Variants in GPHN observed in about 807,000 individuals in gnomAD.
The protein encoded by GPHN is gephyrin.
GPHN carries 17 observed loss-of-function variants against 95.5 expected under a neutral mutation model. The observed-to-expected ratio is 0.18, with a 90% CI of 0.12 to 0.27. The LOEUF (loss-of-function observed/expected upper bound fraction) is 0.27. Ranked by LOEUF, GPHN falls within the 10% of genes least tolerant of loss-of-function variation. The pLI is 1.00. For missense variants in GPHN, 660 were observed against 978.1 expected (o/e 0.67, Z 4.34); for synonymous variants, 320 against 322.5 (o/e 0.99, Z 0.08).
chr14:67,325,934 G>A, the GPHN span, among the ~76,000 whole-genome samples: 43 of 149,830 alleles, frequency 2.9e-4, no homozygotes, highest in East Asian at 3.5e-3. Flanking sequence ...TCAGCCTCCC[G>A]AGTAGCTGGG....
At chr14:67,480,595 AT>A in the GPHN span, among the ~76,000 whole-genome samples, 1 of 152,028 alleles carries the variant, frequency 6.6e-6, no homozygotes, top group African/African-American at 2.4e-5. Flanking sequence ...CCTGAGACAG[AT>A]GGCACAGCAC....
chr14:66,858,765 G>A (rs1001036464), intron 4 of GPHN, among the ~76,000 whole-genome samples: 6 of 152,214 alleles, frequency 3.9e-5, no homozygotes, highest in African/African-American at 9.6e-5. Flanking sequence ...GGCCACAGGG[G>A]AGTCCACTGC....
the GPHN span, among the ~76,000 whole-genome samples, chr14:67,354,418 A>T: frequency 6.6e-6 from 1 of 152,206 alleles, no homozygotes; most frequent in Non-Finnish European, 1.5e-5. Context: ...CAAAATTTTA[A>T]ATGCAATTAT....
At chr14:67,070,473 G>A (rs1302798184) in intron 11 of GPHN, among the ~76,000 whole-genome samples, 3 of 149,526 alleles carry the variant, frequency 2.0e-5, no homozygotes, top group South Asian at 4.2e-4. Flanking sequence ...CGAGGTGGGC[G>A]GGTCACAAGG....
At chr14:66,560,385 T>A (rs1478620456) in intron 1 of GPHN, among the ~76,000 whole-genome samples, 2 of 152,224 alleles carry the variant, frequency 1.3e-5, no homozygotes, top group Admixed American at 1.3e-4. Flanking sequence ...TGGAATGTTC[T>A]TCCATTTGTT....
intron 10 of GPHN, among the ~76,000 whole-genome samples, chr14:67,036,435 ATC>A (rs2074424682): frequency 6.6e-6 from 1 of 151,248 alleles, no homozygotes; most frequent in Non-Finnish European, 1.5e-5. Context: ...AAGTAAAATT[ATC>A]TCTGTTTCCA....
At chr14:67,727,243 G>A in the GPHN span, 2 of 1,431,564 alleles carry the variant, frequency 1.4e-6, no homozygotes, top group African/African-American at 1.4e-5. Context: ...CAAATTAGAG[G>A]TCCACAGCAA....
chr14:66,956,296 T>C (rs1489033430), intron 8 of GPHN, among the ~76,000 whole-genome samples: 1 of 152,230 alleles, frequency 6.6e-6, no homozygotes, highest in Non-Finnish European at 1.5e-5. Flanking sequence ...TTTTTATTTG[T>C]CTCAAATTAT....
chr14:66,509,822 A>G (rs1566733521), intron 1 of GPHN, among the ~76,000 whole-genome samples: 1 of 152,142 alleles, frequency 6.6e-6, no homozygotes, highest in South Asian at 2.1e-4. Context: ...ACTAAATTGA[A>G]TAAGACTTGC....
chr14:67,056,747 C>G (rs1022573671), intron 10 of GPHN, among the ~76,000 whole-genome samples: 1 of 151,994 alleles, frequency 6.6e-6, no homozygotes, highest in African/African-American at 2.4e-5. Flanking sequence ...CTTGGGCAGT[C>G]CATGGGACTG....
At chr14:67,564,985 C>G in the GPHN span, among the ~76,000 whole-genome samples, 1 of 152,148 alleles carries the variant, frequency 6.6e-6, no homozygotes, top group Non-Finnish European at 1.5e-5. Context: ...GCCACTGTGT[C>G]TGGCCCTGTA....
the GPHN span, among the ~76,000 whole-genome samples, chr14:67,651,875 A>ACTT: frequency 6.6e-6 from 1 of 152,168 alleles, no homozygotes; most frequent in African/African-American, 2.4e-5. Flanking sequence ...TCCCTTGTAA[A>ACTT]CTTCTTCCCT....
chr14:66,891,780 A>G (rs1437432291), intron 5 of GPHN, among the ~76,000 whole-genome samples: 1 of 151,930 alleles, frequency 6.6e-6, no homozygotes, highest in Non-Finnish European at 1.5e-5. Context: ...TAATTCCTAC[A>G]AGTCAATAAA....
chr14:66,606,593 C>T (rs1233408954), intron 1 of GPHN, among the ~76,000 whole-genome samples: 1 of 152,102 alleles, frequency 6.6e-6, no homozygotes, highest in African/African-American at 2.4e-5. Context: ...AATATTGATT[C>T]TTCCAATTCA....
At chr14:67,392,419 GCT>G in the GPHN span, 1 of 1,611,934 alleles carries the variant, frequency 6.2e-7, no homozygotes, top group Admixed American at 1.7e-5. Context: ...TCTTTTTGTA[GCT>G]CTCAGCCTAG....
At chr14:67,688,884 A>G in the GPHN span, among the ~76,000 whole-genome samples, 73 of 152,106 alleles carry the variant, frequency 4.8e-4, 1 homozygote, top group Non-Finnish European at 9.3e-4. Context: ...TTGTTCACCA[A>G]TTCATCCCCT....
chr14:67,210,180 C>A, the GPHN span, among the ~76,000 whole-genome samples: 2 of 152,114 alleles, frequency 1.3e-5, no homozygotes, highest in Admixed American at 1.3e-4. Flanking sequence ...ATATGGAAAA[C>A]CTGTAAGTAA....
chr14:67,222,981 T>C, the GPHN span, among the ~76,000 whole-genome samples: 18 of 151,136 alleles, frequency 1.2e-4, no homozygotes, highest in Admixed American at 2.0e-4. Flanking sequence ...GGATTTGTCT[T>C]TGGGCCTTCC....
At chr14:67,286,699 A>G in the GPHN span, among the ~76,000 whole-genome samples, 1 of 150,210 alleles carries the variant, frequency 6.7e-6, no homozygotes, top group Non-Finnish European at 1.5e-5. Context: ...CTACCAAAAA[A>G]AATACAAAAA....
Sources: allele counts gnomAD v4.1 joint callset (sites outside exome capture counted in the v4.1 genomes callset), GRCh38; gene constraint gnomAD v4.1.1; transcripts MANE v1.5; gene names NCBI Gene and HGNC (gene_info 2026-07-23, HGNC 2026-07-21).